ARHGEF10L: variants seen among roughly 807,000 people sequenced by gnomAD.
ARHGEF10L encodes the protein Rho guanine nucleotide exchange factor 10 like.
In ARHGEF10L, 69 loss-of-function variants were observed where a neutral mutation model predicts 141.2. The ratio of observed to expected loss-of-function variants is 0.49; its 90% CI spans 0.40 to 0.60. The LOEUF (loss-of-function observed/expected upper bound fraction) is 0.60. Among genes scored for constraint, ARHGEF10L ranks in the 20% least tolerant of loss-of-function variants. The pLI, the probability that ARHGEF10L is intolerant of heterozygous loss-of-function variation, is 0.00. For synonymous variants in ARHGEF10L, 711 were observed against 718.5 expected (o/e 0.99, Z 0.17); for missense variants, 1,482 against 1,734.3 (o/e 0.85, Z 2.58).
chr1:17,686,339 T>G (rs2064596471), intron 26 of ARHGEF10L, among the ~76,000 whole-genome samples: 1 of 152,056 alleles, frequency 6.6e-6, no homozygotes, highest in Non-Finnish European at 1.5e-5. Flanking sequence ...TTTGACCAAA[T>G]TTTACTGTGC....
At chr1:17,640,102 C>A in intron 20 of ARHGEF10L, 100 bp from the exon 21 acceptor site, 3 of 1,506,640 alleles carry the variant, frequency 2.0e-6, no homozygotes, top group South Asian at 1.3e-5. Flanking sequence ...CCTCCTTGAT[C>A]TCCAGGGCGC....
At chr1:17,674,149 C>G (rs1285176280) in intron 26 of ARHGEF10L, among the ~76,000 whole-genome samples, 2 of 152,194 alleles carry the variant, frequency 1.3e-5, no homozygotes, top group Non-Finnish European at 2.9e-5. Context: ...TGGCTTCTCT[C>G]TCTCCTTTGC....
At chr1:17,576,670 C>T (rs1422241430) in intron 1 of ARHGEF10L, among the ~76,000 whole-genome samples, 2 of 152,188 alleles carry the variant, frequency 1.3e-5, no homozygotes, top group African/African-American at 2.4e-5. Context: ...GAGCTTACTC[C>T]GTGCAGGGCA....
At chr1:17,685,672 T>A (rs746517800) in intron 26 of ARHGEF10L, among the ~76,000 whole-genome samples, 14 of 152,346 alleles carry the variant, frequency 9.2e-5, no homozygotes, top group Non-Finnish European at 1.3e-4. Flanking sequence ...TTTCCAGCAC[T>A]TACACCCACA....
intron 15 of ARHGEF10L, 78 bp from the exon 16 acceptor site, chr1:17,632,243 G>T: frequency 6.4e-7 from 1 of 1,572,910 alleles, no homozygotes; most frequent in Admixed American, 1.7e-5. Context: ...TCTGCACCAT[G>T]GGAGGATTCT....
chr1:17,564,067 T>TCC (rs1312946711), intron 1 of ARHGEF10L, among the ~76,000 whole-genome samples: 1 of 152,158 alleles, frequency 6.6e-6, no homozygotes, highest in Non-Finnish European at 1.5e-5. Context: ...CCAGGCTTGG[T>TCC]CTGACATCAT....
chr1:17,682,377 A>T (rs1455079339), intron 26 of ARHGEF10L, among the ~76,000 whole-genome samples: 1 of 152,182 alleles, frequency 6.6e-6, no homozygotes, highest in Non-Finnish European at 1.5e-5. Context: ...CAGTCCCACC[A>T]CATAGGTTCA....
chr1:17,606,741 G>A (rs576328473), intron 6 of ARHGEF10L, among the ~76,000 whole-genome samples: 46 of 152,228 alleles, frequency 3.0e-4, no homozygotes, highest in African/African-American at 1.1e-3. Context: ...AGTTCTCCAG[G>A]TAACAGATGA....
chr1:17,647,050 C>T (rs944125118), intron 21 of ARHGEF10L, among the ~76,000 whole-genome samples: 2 of 152,030 alleles, frequency 1.3e-5, no homozygotes, highest in Non-Finnish European at 2.9e-5. Context: ...GGGAACTCTC[C>T]GGCTGACCTG....
At chr1:17,685,402 C>T (rs894057263) in intron 26 of ARHGEF10L, among the ~76,000 whole-genome samples, 18 of 152,214 alleles carry the variant, frequency 1.2e-4, no homozygotes, top group Non-Finnish European at 2.1e-4. Context: ...TGCCTCCGGG[C>T]CTTTGCACTG....
the ARHGEF10L span, among the ~76,000 whole-genome samples, chr1:17,518,979 C>A: frequency 8.7e-5 from 13 of 149,746 alleles, no homozygotes; most frequent in Admixed American, 8.6e-4. Context: ...AGACCAGCCC[C>A]AGCCTGACCA....
intron 22 of ARHGEF10L, among the ~76,000 whole-genome samples, chr1:17,653,375 G>A (rs1370670158): frequency 1.3e-5 from 2 of 152,216 alleles, no homozygotes; most frequent in African/African-American, 2.4e-5. Flanking sequence ...GTGAAGGAGA[G>A]GAGCCATTTG....
At chr1:17,572,809 T>G (rs2078057838) in intron 1 of ARHGEF10L, among the ~76,000 whole-genome samples, 1 of 152,026 alleles carries the variant, frequency 6.6e-6, no homozygotes, top group Non-Finnish European at 1.5e-5. Context: ...TTGTGAAAGG[T>G]GGAGGAGGTG....
Position 17,603,763 on chromosome 1 carries a change from C to T in ARHGEF10L, c.433+172C>T, listed in dbSNP as rs937746706. ...GGGAGAATCTGGAGATGGCTGAGGGCGTGGCCACCGGGGCCGGGCAGGGCT... is the reference window on the plus strand; with the variant it reads ...GGGAGAATCTGGAGATGGCTGAGGGTGTGGCCACCGGGGCCGGGCAGGGCT... On this transcript the variant is annotated intron_variant, in intron 6 of 28. Coordinates refer to ENST00000361221, the MANE Select transcript of ARHGEF10L (RefSeq NM_018125.4). This position sits in a 1 kb window ranked among gnomAD's most constrained non-coding sequence, Gnocchi z 4.8. Among the ~76,000 whole-genome samples, 5 of 152,132 alleles carry T rather than the reference C, an allele frequency of 3.3e-5. No individual in the cohort carries two copies. Among genetic ancestry groups the T allele is most frequent in the South Asian group, 2.1e-4 (1 of 4,824 alleles).
At chr1:17,560,716 C>T (rs556166503) in intron 1 of ARHGEF10L, among the ~76,000 whole-genome samples, 2 of 152,334 alleles carry the variant, frequency 1.3e-5, no homozygotes, top group South Asian at 4.2e-4. Context: ...CAGGCATGCA[C>T]CACCACACCC....
At chr1:17,682,747 CA>C (rs1212126682) in intron 26 of ARHGEF10L, among the ~76,000 whole-genome samples, 2 of 152,044 alleles carry the variant, frequency 1.3e-5, no homozygotes, top group African/African-American at 4.8e-5. Flanking sequence ...GGTGGGTGGG[CA>C]GGTGGCCTTT....
chr1:17,622,164 C>T (rs1319943419), intron 11 of ARHGEF10L, among the ~76,000 whole-genome samples: 1 of 152,132 alleles, frequency 6.6e-6, no homozygotes, highest in Non-Finnish European at 1.5e-5. Context: ...AAATGGGATT[C>T]TTTGAAATGA....
rs1044531066 is a variant in ARHGEF10L at position 17,623,567 on chromosome 1, C to T, written c.1200+392C>T. ...CAACTTTGGCCCGGAGAGGATGTGC[C>T]GCAGTGCTGGGGAAAGGGCACTGGC... On this transcript the variant is annotated intron_variant, in intron 12 of 28. Coordinates refer to ENST00000361221, the MANE Select transcript of ARHGEF10L (RefSeq NM_018125.4). The surrounding 1 kb of genome is among the most constrained non-coding windows in gnomAD (Gnocchi z 4.7). Among the ~76,000 whole-genome samples, 2 of 152,138 alleles carry T rather than the reference C, an allele frequency of 1.3e-5. No homozygotes were observed. Among genetic ancestry groups the T allele is most frequent in the South Asian group, 4.1e-4 (2 of 4,832 alleles).
intron 4 of ARHGEF10L, among the ~76,000 whole-genome samples, chr1:17,588,900 A>T (rs1367466420): frequency 0.1 from 502 of 4,822 alleles, no homozygotes; most frequent in East Asian, 0.18. Context: ...GTGTGTGTGT[A>T]GTGGGGGAGG....
Sources: allele counts gnomAD v4.1 joint callset (sites outside exome capture counted in the v4.1 genomes callset), GRCh38; gene constraint gnomAD v4.1.1; non-coding constraint Gnocchi (gnomAD v3.1); transcripts MANE v1.5; gene names NCBI Gene and HGNC (gene_info 2026-07-23, HGNC 2026-07-21).